The following PDE4B variants were observed in gnomAD, a reference collection of about 807,000 sequenced individuals.
PDE4B encodes phosphodiesterase 4B.
In PDE4B, 20 loss-of-function variants were observed where a neutral mutation model predicts 82.2. The observed-to-expected ratio is 0.24, with a 90% confidence interval of 0.17 to 0.35. PDE4B has a LOEUF of 0.35. Ranked by LOEUF, PDE4B falls within the 10% of genes least tolerant of loss-of-function variation. The pLI is 1.00. For missense variants in PDE4B, 655 were observed against 907.2 expected, an observed-to-expected ratio of 0.72 and a Z score of 3.57; for synonymous variants, 320 against 318.9, an observed-to-expected ratio of 1.00 and a Z score of -0.04.
Position 66,203,243 on chromosome 1 carries a change from G to A in PDE4B, c.282-44217G>A, listed in dbSNP as rs183418230. On this transcript the variant is annotated intron_variant, in intron 3 of 16. Transcript: ENST00000341517. Reference sequence around the variant, plus strand: ...CTGTTACTCTGATGGGCTTCCCTTTGTGGGTAACCTGACCTTTCTCTCTGG... The same window carrying A: ...CTGTTACTCTGATGGGCTTCCCTTTATGGGTAACCTGACCTTTCTCTCTGG... 8.9e-3 allele frequency among the ~76,000 whole-genome samples: 1,348 copies of A among 152,148 alleles called. 6 individuals are homozygous for A. Among genetic ancestry groups the A allele is most frequent in the Non-Finnish European group, 0.015 (991 of 68,014 alleles).
chr1:66,337,613 T>C (rs1362362646), intron 8 of PDE4B, among the ~76,000 whole-genome samples: 1 of 152,192 alleles, frequency 6.6e-6, no homozygotes, highest in Non-Finnish European at 1.5e-5. Flanking sequence ...TCCAAGGAGT[T>C]CAAGAATTCT....
intron 3 of PDE4B, among the ~76,000 whole-genome samples, chr1:66,083,381 G>T (rs1361380699): frequency 1.3e-5 from 2 of 151,882 alleles, no homozygotes; most frequent in Non-Finnish European, 2.9e-5. Flanking sequence ...TGCATGCCAG[G>T]GACACTCAAT....
At chr1:66,266,153 GA>G (rs1420328272) in intron 7 of PDE4B, 66 bp downstream of exon 7, 2 of 1,241,862 alleles carry the variant, frequency 1.6e-6, no homozygotes, top group Non-Finnish European at 2.4e-6. Context: ...CTCTTATTCA[GA>G]ACTGTTTTTT....
intron 3 of PDE4B, among the ~76,000 whole-genome samples, chr1:65,940,797 A>G (rs1430943506): frequency 6.6e-6 from 1 of 152,092 alleles, no homozygotes; most frequent in African/African-American, 2.4e-5. Flanking sequence ...GTTGATGGCT[A>G]TAGGAAATTA....
intron 3 of PDE4B, among the ~76,000 whole-genome samples, chr1:66,149,920 A>G (rs1237546129): frequency 6.6e-6 from 1 of 152,170 alleles, no homozygotes; most frequent in Non-Finnish European, 1.5e-5. Context: ...TTTTGAAATA[A>G]TTTTTTAATA....
intron 3 of PDE4B, among the ~76,000 whole-genome samples, chr1:65,999,896 A>G (rs1271477695): frequency 1.3e-5 from 2 of 152,162 alleles, no homozygotes; most frequent in Non-Finnish European, 2.9e-5. Context: ...AGCTTTGTTG[A>G]TACTTACTCT....
intron 3 of PDE4B, among the ~76,000 whole-genome samples, chr1:66,214,724 G>A (rs974272819): frequency 6.6e-6 from 1 of 152,046 alleles, no homozygotes; most frequent in Non-Finnish European, 1.5e-5. Context: ...CAGAATTCAA[G>A]CAGAGGTCTG....
intron 3 of PDE4B, among the ~76,000 whole-genome samples, chr1:66,181,790 T>TAGGG (rs1647068731): frequency 6.6e-6 from 1 of 152,134 alleles, no homozygotes; most frequent in African/African-American, 2.4e-5. Context: ...TCACTCTGGT[T>TAGGG]AGAGTGTTCT....
intron 1 of PDE4B, among the ~76,000 whole-genome samples, chr1:65,836,667 G>T (rs1646143653): frequency 6.6e-6 from 1 of 150,944 alleles, no homozygotes; most frequent in African/African-American, 2.4e-5. Flanking sequence ...TTACTTTTTT[G>T]TTTCAACTCC....
At chr1:65,917,849 G>A (rs566461197) in intron 2 of PDE4B, among the ~76,000 whole-genome samples, 1 of 152,278 alleles carries the variant, frequency 6.6e-6, no homozygotes, top group East Asian at 1.9e-4. Context: ...GCTGTTCTAA[G>A]ATAGATAATA....
At chr1:65,828,816 A>T (rs1646048625) in intron 1 of PDE4B, among the ~76,000 whole-genome samples, 2 of 152,206 alleles carry the variant, frequency 1.3e-5, no homozygotes, top group South Asian at 4.1e-4. Flanking sequence ...ATAATTAATA[A>T]GTCAATTTAG....
In PDE4B at chr1:66,047,331, G is replaced by A. The variant is rs1654772275; in HGVS notation, c.281+128496G>A. ...GACACCTACCTTACTGGGTTATTGA[G>A]TGGATTATAGGTGTTAATATATGAA... On this transcript the variant is annotated intron_variant, in intron 3 of 16. Transcript: ENST00000341517. Among the ~76,000 whole-genome samples the A allele has an allele frequency of 5.3e-5, 8 of 151,850 alleles. No homozygotes were observed. In the Admixed American group the frequency reaches 5.3e-4, roughly 10 times the overall value.
chr1:66,328,121 A>G (rs887062967), intron 7 of PDE4B, among the ~76,000 whole-genome samples: 1 of 152,244 alleles, frequency 6.6e-6, no homozygotes, highest in Non-Finnish European at 1.5e-5. Flanking sequence ...AATACCATAT[A>G]TCATTAGCAG....
intron 3 of PDE4B, among the ~76,000 whole-genome samples, chr1:65,970,640 G>A (rs747207478): frequency 2.6e-5 from 4 of 152,120 alleles, no homozygotes; most frequent in Non-Finnish European, 5.9e-5. Flanking sequence ...AAGTTCTATG[G>A]TAAAGGTATC....
At chr1:65,815,325 C>T (rs1645870449) in intron 1 of PDE4B, among the ~76,000 whole-genome samples, 1 of 151,444 alleles carries the variant, frequency 6.6e-6, no homozygotes, top group Admixed American at 6.6e-5. Flanking sequence ...AATTTGGAAG[C>T]CATATAGATG....
At chr1:66,129,258 G>C (rs926830898) in intron 3 of PDE4B, among the ~76,000 whole-genome samples, 1 of 152,126 alleles carries the variant, frequency 6.6e-6, no homozygotes, top group Non-Finnish European at 1.5e-5. Flanking sequence ...TTTTGAAATA[G>C]AAAACAAGAT....
intron 3 of PDE4B, among the ~76,000 whole-genome samples, chr1:66,029,440 T>A (rs767925449): frequency 1.9e-4 from 29 of 152,188 alleles, no homozygotes; most frequent in Non-Finnish European, 3.4e-4. Context: ...GAATGTAATT[T>A]AATGCAAGAG....
Position 65,874,355 on chromosome 1 carries a change from G to A in PDE4B, c.-70-38890G>A, listed in dbSNP as rs972471415. Among the ~76,000 whole-genome samples the A allele has an allele frequency of 2.8e-3, 430 of 152,172 alleles. 6 individuals are homozygous for A. Among genetic ancestry groups the A allele is most frequent in the African/African-American group, 8.6e-3 (355 of 41,508 alleles). ...GGTTTTCTAGATATACAATCATGTC[G>A]TCTGCAAACAGGGAGAATTTGACTT... is the stretch of plus-strand genomic sequence containing the variant. On this transcript the variant is annotated intron_variant, in intron 1 of 16. Transcript: ENST00000341517.
intron 3 of PDE4B, among the ~76,000 whole-genome samples, chr1:66,156,764 T>G (rs1646509538): frequency 6.6e-6 from 1 of 152,200 alleles, no homozygotes; most frequent in Non-Finnish European, 1.5e-5. Context: ...TCATTAGGAA[T>G]GCCCATCGTG....
Sources: gnomAD v4.1 joint callset for allele counts (sites outside exome capture counted in the v4.1 genomes callset) on GRCh38, gnomAD v4.1.1 for gene constraint, MANE v1.5 for transcripts, NCBI Gene and HGNC (gene_info 2026-07-23, HGNC 2026-07-21) for gene names.